The following CIAO2A variants were observed in gnomAD, a reference collection of about 807,000 sequenced individuals.
CIAO2A encodes MIP18 family protein FAM96A.
Under a neutral mutation model 22.4 loss-of-function variants are expected in CIAO2A, and 17 were observed. The observed-to-expected ratio is 0.76, with a 90% CI of 0.52 to 1.14. The LOEUF is 1.14. Ranked by LOEUF, CIAO2A falls within the 50% of genes most tolerant of loss-of-function variation. CIAO2A has a pLI of 0.00. For missense variants in CIAO2A, 192 were observed against 191.4 expected (o/e 1.00, Z -0.02); for synonymous variants, 74 against 72.3 (o/e 1.02, Z -0.12).
intron 4 of CIAO2A, chr15:64,074,659 T>G (rs1471453842): frequency 6.6e-6 from 1 of 152,214 alleles, no homozygotes; most frequent in Non-Finnish European, 1.5e-5. Flanking sequence ...AAAAGTTTCC[T>G]GGATAGGCTG....
chr15:64,091,570 TATC>T (rs1470291702), intron 1 of CIAO2A, among the ~76,000 whole-genome samples: 2 of 152,086 alleles, frequency 1.3e-5, no homozygotes, highest in African/African-American at 4.8e-5. Context: ...AGAGCTGTGT[TATC>T]ATGGGACTTA....
intron 3 of CIAO2A, among the ~76,000 whole-genome samples, chr15:64,077,182 C>T (rs1338080072): frequency 6.6e-6 from 1 of 152,144 alleles, no homozygotes; most frequent in African/African-American, 2.4e-5. Context: ...CGTGTATTAC[C>T]AGCTACTCAG....
intron 3 of CIAO2A, among the ~76,000 whole-genome samples, chr15:64,079,977 C>T (rs1293652258): frequency 6.6e-6 from 1 of 152,144 alleles, no homozygotes; most frequent in Admixed American, 6.5e-5. Flanking sequence ...AAAAGACATC[C>T]TTATTTTAAA....
intron 2 of CIAO2A, among the ~76,000 whole-genome samples, chr15:64,087,157 T>C (rs1412863062): frequency 7.5e-6 from 1 of 133,266 alleles, no homozygotes; most frequent in Non-Finnish European, 1.6e-5. Context: ...AGTGGTGCAA[T>C]CTCGGCTCAC....
intron 4 of CIAO2A, 39 bp from the exon 5 acceptor site, chr15:64,073,067 G>A (rs908781046): frequency 1.5e-6 from 2 of 1,366,240 alleles, no homozygotes; most frequent in African/African-American, 2.9e-5. Flanking sequence ...GAAGAACTGT[G>A]TCAATATACA....
At chr15:64,081,534 C>CTTTTTTTTTTTTT (rs1567306106) in intron 2 of CIAO2A, among the ~76,000 whole-genome samples, 1 of 24,406 alleles carries the variant, frequency 4.1e-5, no homozygotes, top group Non-Finnish European at 1.3e-4. Context: ...ACTCATTAAG[C>CTTTTTTTTTTTTT]CTTTTTTTTT....
intron 3 of CIAO2A, among the ~76,000 whole-genome samples, chr15:64,080,542 C>T (rs573524407): frequency 2.0e-5 from 3 of 151,646 alleles, no homozygotes; most frequent in Non-Finnish European, 2.9e-5. Context: ...ATTAGCTGGG[C>T]GTGGTGGTGG....
At chr15:64,082,731 T>C (rs1428412633) in intron 2 of CIAO2A, among the ~76,000 whole-genome samples, 3 of 152,208 alleles carry the variant, frequency 2.0e-5, no homozygotes, top group Admixed American at 2.0e-4. Flanking sequence ...TAGTCACTAT[T>C]GGTAGGTGTT....
intron 4 of CIAO2A, chr15:64,073,948 C>T (rs1054839613): frequency 1.3e-5 from 2 of 152,136 alleles, no homozygotes; most frequent in Non-Finnish European, 2.9e-5. Flanking sequence ...TATATACATA[C>T]ATAAAACAGG....
chr15:64,084,057 G>C (rs1291339911), intron 2 of CIAO2A, among the ~76,000 whole-genome samples: 1 of 152,174 alleles, frequency 6.6e-6, no homozygotes, highest in African/African-American at 2.4e-5. Context: ...GTACAGATCT[G>C]AAATATCAAC....
At chr15:64,088,586 T>C (rs1345286289) in intron 2 of CIAO2A, 101 bp downstream of exon 2, 2 of 931,424 alleles carry the variant, frequency 2.1e-6, no homozygotes, top group African/African-American at 3.4e-5. Context: ...ACATACACTG[T>C]ATGGTTTTTC....
At chr15:64,081,283 A>T in intron 2 of CIAO2A, 132 bp from the exon 3 acceptor site, 1 of 691,016 alleles carries the variant, frequency 1.4e-6, no homozygotes, top group Non-Finnish European at 2.4e-6. Context: ...AATCCAGAGC[A>T]GAGCTCCTTT....
chr15:64,079,596 G>A (rs1414661478), intron 3 of CIAO2A, among the ~76,000 whole-genome samples: 1 of 152,120 alleles, frequency 6.6e-6, no homozygotes, highest in Non-Finnish European at 1.5e-5. Flanking sequence ...AAGTAGACAG[G>A]GTACTCTGTG....
chr15:64,091,418 G>T (rs1490455221), intron 1 of CIAO2A, among the ~76,000 whole-genome samples: 1 of 151,444 alleles, frequency 6.6e-6, no homozygotes, highest in African/African-American at 2.4e-5. Context: ...CCAGGAGGCT[G>T]AGGCTGCAGT....
chr15:64,093,493 G>T, intron 1 of CIAO2A, 152 bp downstream of exon 1: 1 of 875,232 alleles, frequency 1.1e-6, no homozygotes, highest in Non-Finnish European at 1.7e-6. Context: ...CGCCTGCTAC[G>T]CCCCGGACAA....
chr15:64,081,053 A>G, intron 3 of CIAO2A, 49 bp downstream of exon 3: 1 of 1,564,276 alleles, frequency 6.4e-7, no homozygotes. Context: ...TTATATCTCA[A>G]CAAAGCTGTT....
At chr15:64,093,542 A>G (rs1022360949) in intron 1 of CIAO2A, 103 bp downstream of exon 1, 85 of 1,311,154 alleles carry the variant, frequency 6.5e-5, no homozygotes, top group Non-Finnish European at 8.7e-5. Flanking sequence ...AACAAAAAAA[A>G]AGGTCTCCCC....
intron 2 of CIAO2A, among the ~76,000 whole-genome samples, chr15:64,087,360 G>A (rs977941652): frequency 6.6e-6 from 1 of 151,988 alleles, no homozygotes; most frequent in African/African-American, 2.4e-5. Context: ...TAAAGTGCTG[G>A]GATTACAGGC....
At chr15:64,088,647 G>T in intron 2 of CIAO2A, 40 bp downstream of exon 2, 2 of 1,481,878 alleles carry the variant, frequency 1.3e-6, no homozygotes, top group Non-Finnish European at 1.8e-6. Context: ...GAATAACTTA[G>T]AATTTATATA....
Sources: gnomAD v4.1 joint callset for allele counts (sites outside exome capture counted in the v4.1 genomes callset) on GRCh38, gnomAD v4.1.1 for gene constraint, MANE v1.5 for transcripts, NCBI Gene and HGNC (gene_info 2026-07-23, HGNC 2026-07-21) for gene names.